EP300: variants seen among roughly 807,000 people sequenced by gnomAD.
EP300 encodes the protein EP300 lysine acetyltransferase, also known as histone acetyltransferase p300.
EP300 carries 31 observed loss-of-function variants against 264.0 expected under a neutral mutation model. That is an observed-to-expected ratio of 0.12 (90% CI 0.09 to 0.16). The LOEUF (loss-of-function observed/expected upper bound fraction) is 0.16, where lower values mean the gene tolerates loss of function less well. Ranked by LOEUF, EP300 falls within the 10% of genes least tolerant of loss-of-function variation. EP300 has a pLI of 1.00. For missense variants in EP300, 2,766 were observed against 3,052.9 expected, an observed-to-expected ratio of 0.91 and a Z score of 2.21; for synonymous variants, 1,340 against 1,045.4, an observed-to-expected ratio of 1.28 and a Z score of -5.44.
chr22:41,167,540 G>A (rs1283777814), intron 23 of EP300, among the ~76,000 whole-genome samples: 1 of 138,192 alleles, frequency 7.2e-6, no homozygotes, highest in Admixed American at 7.4e-5. Flanking sequence ...AGTACATAGA[G>A]ATGTTCATTG....
intron 10 of EP300, chr22:41,146,518 TCATAAAGGAATA>T (rs1732507978): frequency 1.8e-6 from 1 of 561,464 alleles, no homozygotes; most frequent in Admixed American, 3.0e-5. Flanking sequence ...GCACCCGGGC[TCATAAAGGAATA>T]CCAACAAATC....
Position 41,179,690 on chromosome 22 carries a change from G to A in EP300, c.*734G>A. ...TTTTCAAAAATATACAGGGGCAGCT[G>A]CCAAATTGATGTATTATATATTGTG... On this transcript the variant is annotated 3_prime_UTR_variant, in exon 31 of 31. Coordinates refer to ENST00000263253, the MANE Select transcript of EP300 (RefSeq NM_001429.4). 4.4e-6 allele frequency: 1 copy of A among 229,206 alleles called. No individual in the cohort carries two copies. Among genetic ancestry groups the A allele is most frequent in the East Asian group, 6.2e-5 (1 of 16,078 alleles). 14.2% of individuals were successfully genotyped at this position (229,206 alleles called of 1,614,324 possible). A position where few individuals can be genotyped will look rare whatever the true frequency, so the allele number is the denominator to read the frequency against.
intron 27 of EP300, 98 bp downstream of exon 27, chr22:41,170,669 T>TC: frequency 7.4e-7 from 1 of 1,354,786 alleles, no homozygotes; most frequent in Non-Finnish European, 1.0e-6. Context: ...TTTTTTTTTT[T>TC]TTTTTTTTTT....
chr22:41,094,628 GCA>G (rs1187535073), intron 1 of EP300, among the ~76,000 whole-genome samples: 1 of 152,094 alleles, frequency 6.6e-6, no homozygotes, highest in Non-Finnish European at 1.5e-5. Flanking sequence ...GTATTCCTTT[GCA>G]CCTACTAAAG....
At chr22:41,171,102 A>T (rs557968813) in intron 27 of EP300, among the ~76,000 whole-genome samples, 6 of 151,466 alleles carry the variant, frequency 4.0e-5, no homozygotes, top group Admixed American at 1.3e-4. Flanking sequence ...AGAGCGGTAG[A>T]TCAAGAAATC....
intron 1 of EP300, among the ~76,000 whole-genome samples, chr22:41,096,941 G>A (rs964653537): frequency 1.3e-5 from 2 of 152,140 alleles, no homozygotes; most frequent in Non-Finnish European, 2.9e-5. Flanking sequence ...TTCTTAAAAT[G>A]CCATTGTGTT....
In EP300 at chr22:41,147,953, T is replaced by C. The variant is rs767731749; in HGVS notation, c.2241+7T>C. ...ACCTGGAGCTCTCAACCCGGTTAGT[T>C]TGACGTCTTTGGTAATCTCTTTGGC... On this transcript the variant is annotated splice_region_variant and intron_variant, in intron 12 of 30. Transcript: ENST00000263253. 3 of 1,584,904 alleles carry C rather than the reference T, an allele frequency of 1.9e-6. No homozygotes were observed. The highest frequency in any genetic ancestry group is 2.2e-5 in the East Asian group (1 of 44,600).
chr22:41,178,722 A>G lies in EP300; in HGVS notation c.7011A>G (p.Pro2337=), dbSNP rs374096478. Residue 2337 remains proline, a synonymous_variant, in exon 31 of 31, where the codon CCA becomes CCG. Transcript: ENST00000263253. ...PSPRMQPQPS[P]HHVSPQTSSP... is the part of the protein sequence containing the mutation. ...CAAGGATGCAGCCTCAGCCTTCTCC[A>G]CACCACGTTTCCCCACAGACAAGTT... 3.7e-6 allele frequency: 6 copies of G among 1,613,612 alleles called. No individual in the cohort carries two copies. In the African/African-American group the frequency reaches 8.0e-5, roughly 22 times the overall value.
chr22:41,144,062 A>AT (rs761703616), intron 10 of EP300, among the ~76,000 whole-genome samples: 7 of 152,150 alleles, frequency 4.6e-5, no homozygotes, highest in Non-Finnish European at 8.8e-5. Flanking sequence ...TTCCTTATTA[A>AT]TTTTTTGCAA....
chr22:41,174,075 A>G (rs1343733202), intron 29 of EP300, among the ~76,000 whole-genome samples: 1 of 151,920 alleles, frequency 6.6e-6, no homozygotes, highest in East Asian at 1.9e-4. Context: ...ACTCCATTGC[A>G]CTCCAGCCTG....
chr22:41,169,002 T>G (rs1463452365), intron 25 of EP300, 135 bp downstream of exon 25: 1 of 1,278,826 alleles, frequency 7.8e-7, no homozygotes, highest in Admixed American at 1.8e-5. Context: ...GTCCAGTAAT[T>G]TTAAAGTGAA....
chr22:41,109,004 C>T (rs1003512204), intron 1 of EP300, among the ~76,000 whole-genome samples: 9 of 152,162 alleles, frequency 5.9e-5, no homozygotes, highest in African/African-American at 2.2e-4. Flanking sequence ...AGCGCCGTGG[C>T]ACACATATGT....
At chr22:41,145,931 G>A (rs922633784) in intron 10 of EP300, among the ~76,000 whole-genome samples, 2 of 151,928 alleles carry the variant, frequency 1.3e-5, no homozygotes, top group Non-Finnish European at 2.9e-5. Flanking sequence ...ATTTTTTTAA[G>A]AATTATTTCT....
intron 1 of EP300, among the ~76,000 whole-genome samples, chr22:41,096,908 C>T (rs1185145306): frequency 6.6e-6 from 1 of 152,200 alleles, no homozygotes; most frequent in African/African-American, 2.4e-5. Context: ...CGTGAGCCAC[C>T]ATGCCCGGCT....
chr22:41,173,817 C>T (rs201608881), intron 29 of EP300, 33 bp downstream of exon 29: 138 of 1,613,058 alleles, frequency 8.6e-5, no homozygotes, highest in Middle Eastern at 8.2e-4. Flanking sequence ...TGGGGAAAAA[C>T]GGCAAGATTT....
At chr22:41,155,909 G>A (rs1432279675) in intron 17 of EP300, among the ~76,000 whole-genome samples, 1 of 152,182 alleles carries the variant, frequency 6.6e-6, no homozygotes, top group African/African-American at 2.4e-5. Context: ...AGATAGGACT[G>A]TAGTGAACAT....
chr22:41,168,092 G>T (rs2059150516), intron 23 of EP300: 1 of 338,918 alleles, frequency 3.0e-6, no homozygotes, highest in African/African-American at 2.2e-5. Context: ...AAAGTGCTGG[G>T]ATTACAGGCA....
chr22:41,170,869 T>C (rs2059166260), intron 27 of EP300, among the ~76,000 whole-genome samples: 1 of 151,556 alleles, frequency 6.6e-6, no homozygotes, highest in Admixed American at 6.6e-5. Context: ...TTCACCGTGT[T>C]AGCCAGGATG....
intron 26 of EP300, 26 bp downstream of exon 26, chr22:41,169,642 TTTTC>T (rs1480539888): frequency 2.9e-6 from 4 of 1,372,074 alleles, no homozygotes; most frequent in Non-Finnish European, 4.1e-6. Flanking sequence ...TAATGGCTTT[TTTTC>T]TTTAACTAGC....
Sources: gnomAD v4.1 joint callset for allele counts (sites outside exome capture counted in the v4.1 genomes callset) on GRCh38, gnomAD v4.1.1 for gene constraint, MANE v1.5 for transcripts, NCBI Gene and HGNC (gene_info 2026-07-23, HGNC 2026-07-21) for gene names.